PEAK1: variants seen among roughly 807,000 people sequenced by gnomAD.
PEAK1 encodes the protein pseudopodium enriched atypical kinase 1, also known as inactive tyrosine-protein kinase PEAK1.
Under a neutral mutation model 124.7 loss-of-function variants are expected in PEAK1, and 54 were observed. The observed-to-expected ratio is 0.43, with a 90% CI of 0.35 to 0.54. The LOEUF (loss-of-function observed/expected upper bound fraction) is 0.54, where lower values mean the gene tolerates loss of function less well. PEAK1 is among the 20% of genes least tolerant of loss of function. The pLI, the probability that PEAK1 is intolerant of heterozygous loss-of-function variation, is 0.01. For missense variants in PEAK1, 2,046 were observed against 2,134.5 expected (o/e 0.96, Z 0.82); for synonymous variants, 719 against 760.0 (o/e 0.95, Z 0.89).
rs34066984 is a variant in PEAK1, at chr15:77,138,861, C to CAAA, written c.3332-5114_3332-5112dup. ...TGGGTGACAGAGCGAGACTCTGTCT[C>CAAA]AAAAAAAAAAAAAAAATTGTTTTTT... On this transcript the variant is annotated intron_variant, in intron 8 of 9. Coordinates refer to ENST00000682557, the MANE Select transcript of PEAK1 (RefSeq NM_001385026.1). Among the ~76,000 whole-genome samples, 207 of 131,316 alleles carry CAAA rather than the reference C, an allele frequency of 1.6e-3. No individual in the cohort carries two copies. The South Asian group carries it at 0.026, about 16-fold the overall frequency. The allele number at this position is 131,316 out of a possible 152,430, so 86.1% of individuals were successfully genotyped here.
At chr15:77,370,747 T>A in intron 1 of PEAK1, 1 of 985,000 alleles carries the variant, frequency 1.0e-6, no homozygotes, top group East Asian at 1.1e-4. Context: ...ATCCAACACA[T>A]CGAGCCAGGC....
At chr15:77,262,321 G>A (rs2061484302) in intron 5 of PEAK1, among the ~76,000 whole-genome samples, 1 of 152,056 alleles carries the variant, frequency 6.6e-6, no homozygotes. Context: ...TGGCAAATTG[G>A]ATAAAGAGTC....
At chr15:77,224,228 T>C (rs2059528296) in intron 6 of PEAK1, among the ~76,000 whole-genome samples, 1 of 151,974 alleles carries the variant, frequency 6.6e-6, no homozygotes, top group South Asian at 2.1e-4. Context: ...ACTCTTCTAC[T>C]TTATAACCTT....
chr15:77,353,158 G>C (rs577806651), intron 2 of PEAK1, among the ~76,000 whole-genome samples: 1 of 152,274 alleles, frequency 6.6e-6, no homozygotes, highest in South Asian at 2.1e-4. Flanking sequence ...GCTATTCTGT[G>C]GCAAAGGCAT....
At chr15:77,328,762 A>C (rs2065725848) in intron 2 of PEAK1, among the ~76,000 whole-genome samples, 1 of 152,208 alleles carries the variant, frequency 6.6e-6, no homozygotes, top group Admixed American at 6.5e-5. Context: ...TTCAAAAAAC[A>C]TAAGCATTAT....
chr15:77,187,836 C>A (rs1404618855), intron 6 of PEAK1, among the ~76,000 whole-genome samples: 1 of 152,086 alleles, frequency 6.6e-6, no homozygotes, highest in Non-Finnish European at 1.5e-5. Context: ...TGCTAGGGAA[C>A]AATTTACAAG....
chr15:77,381,565 T>C, intron 1 of PEAK1: 2 of 674,966 alleles, frequency 3.0e-6, no homozygotes, highest in South Asian at 1.3e-4. Context: ...AAGGTTCACT[T>C]GTAAGGCATA....
chr15:77,147,760 T>C (rs1049154618), intron 8 of PEAK1, among the ~76,000 whole-genome samples: 3 of 152,184 alleles, frequency 2.0e-5, no homozygotes, highest in African/African-American at 7.2e-5. Flanking sequence ...CCTTCTTAAG[T>C]TGTCAAGTTG....
intron 9 of PEAK1, among the ~76,000 whole-genome samples, chr15:77,127,494 T>C (rs971550039): frequency 2.0e-5 from 3 of 152,100 alleles, no homozygotes; most frequent in African/African-American, 7.2e-5. Flanking sequence ...ATATGGATGC[T>C]AGGGGCGATT....
chr15:77,378,180 T>C (rs2069179767), intron 1 of PEAK1, among the ~76,000 whole-genome samples: 1 of 118,970 alleles, frequency 8.4e-6, no homozygotes, highest in African/African-American at 2.8e-5. Context: ...TGACTCTGTA[T>C]AACAATATTA....
At chr15:77,220,139 A>G (rs536715315) in intron 6 of PEAK1, among the ~76,000 whole-genome samples, 3 of 152,232 alleles carry the variant, frequency 2.0e-5, no homozygotes, top group African/African-American at 7.2e-5. Flanking sequence ...CTAGTAGATA[A>G]AAGAGTAAAA....
intron 6 of PEAK1, among the ~76,000 whole-genome samples, chr15:77,215,460 A>G (rs995993489): frequency 1.3e-5 from 2 of 152,220 alleles, no homozygotes; most frequent in Non-Finnish European, 2.9e-5. Context: ...GAAATGGTAC[A>G]GTAATTGCAT....
intron 1 of PEAK1, among the ~76,000 whole-genome samples, chr15:77,372,161 A>T (rs2068688228): frequency 6.6e-6 from 1 of 152,224 alleles, no homozygotes; most frequent in Non-Finnish European, 1.5e-5. Flanking sequence ...TAATTACACA[A>T]GTATAAGAAG....
intron 6 of PEAK1, among the ~76,000 whole-genome samples, chr15:77,250,195 A>G (rs2060797285): frequency 8.7e-6 from 1 of 114,708 alleles, no homozygotes; most frequent in East Asian, 2.0e-4. Context: ...ATATATACAT[A>G]TATATACATA....
At chr15:77,404,640 G>A (rs2071655179) in intron 1 of PEAK1, 1 of 947,534 alleles carries the variant, frequency 1.1e-6, no homozygotes, top group African/African-American at 1.8e-5. Context: ...ATATACCCAA[G>A]AGATTTGAGA....
At chr15:77,244,129 A>G (rs923920651) in intron 6 of PEAK1, among the ~76,000 whole-genome samples, 1 of 152,238 alleles carries the variant, frequency 6.6e-6, no homozygotes, top group East Asian at 1.9e-4. Flanking sequence ...TCTTAAAAAA[A>G]ATACCTTTGC....
chr15:77,411,372 G>C (rs532609770), intron 1 of PEAK1, among the ~76,000 whole-genome samples: 2 of 152,224 alleles, frequency 1.3e-5, no homozygotes, highest in African/African-American at 2.4e-5. Flanking sequence ...AATGACTACA[G>C]GCACAATTAA....
intron 2 of PEAK1, among the ~76,000 whole-genome samples, chr15:77,301,904 G>T (rs1034430951): frequency 6.6e-6 from 1 of 152,256 alleles, no homozygotes; most frequent in East Asian, 1.9e-4. Flanking sequence ...TATCAGTAAA[G>T]ATTCGTAGAT....
At chr15:77,151,762 T>C (rs1567034977) in intron 8 of PEAK1, among the ~76,000 whole-genome samples, 1 of 152,226 alleles carries the variant, frequency 6.6e-6, no homozygotes, top group Admixed American at 6.5e-5. Flanking sequence ...ATTTATTAAA[T>C]AGGGAATCCT....
Sources: allele counts gnomAD v4.1 joint callset (sites outside exome capture counted in the v4.1 genomes callset), GRCh38; gene constraint gnomAD v4.1.1; transcripts MANE v1.5; gene names NCBI Gene and HGNC (gene_info 2026-07-23, HGNC 2026-07-21).